The following RAP1A variants were observed in gnomAD, a reference collection of about 807,000 sequenced individuals.
The protein encoded by RAP1A is RAP1A, member of RAS oncogene family.
A neutral mutation model predicts 26.4 loss-of-function variants in RAP1A; 6 were observed. The ratio of observed to expected loss-of-function variants is 0.23; its 90% CI spans 0.12 to 0.45. The LOEUF is 0.45. RAP1A is among the 20% of genes least tolerant of loss of function. The pLI, the probability that RAP1A is intolerant of heterozygous loss-of-function variation, is 0.99. For synonymous variants in RAP1A, 73 were observed against 79.4 expected, an observed-to-expected ratio of 0.92 and a Z score of 0.43; for missense variants, 121 against 217.2, an observed-to-expected ratio of 0.56 and a Z score of 2.78.
chr1:111,571,385 G>A (rs188466332), intron 1 of RAP1A, among the ~76,000 whole-genome samples: 1 of 152,248 alleles, frequency 6.6e-6, no homozygotes, highest in African/African-American at 2.4e-5. Context: ...CACCCTTTCT[G>A]AAGTTCAGGG....
intron 1 of RAP1A, among the ~76,000 whole-genome samples, chr1:111,669,454 C>T (rs1445891915): frequency 6.6e-6 from 1 of 152,160 alleles, no homozygotes; most frequent in Non-Finnish European, 1.5e-5. Context: ...TGCCCATGAA[C>T]TGGAATGTAA....
intron 1 of RAP1A, among the ~76,000 whole-genome samples, chr1:111,678,328 T>G (rs1455113199): frequency 6.6e-6 from 1 of 152,226 alleles, no homozygotes; most frequent in Non-Finnish European, 1.5e-5. Context: ...TGCACATATT[T>G]TGCTAAATGT....
chr1:111,655,658 CTTTTTT>C (rs34266778), intron 1 of RAP1A, among the ~76,000 whole-genome samples: 2 of 85,160 alleles, frequency 2.3e-5, no homozygotes, highest in Middle Eastern at 9.3e-3. Context: ...TGTTCATAGT[CTTTTTT>C]TTTTTTTTTT....
chr1:111,640,366 C>T lies in RAP1A; in HGVS notation c.-28+20432C>T, dbSNP rs116014591. On this transcript the variant is annotated intron_variant, in intron 1 of 7. Coordinates refer to ENST00000369709, the MANE Select transcript of RAP1A (RefSeq NM_002884.4). Reference sequence around the variant, plus strand: ...CAAATGTTTTCATTTTATTATTTCTCATTATTTAAAACATTTTTTCCTCAC... The same window carrying T: ...CAAATGTTTTCATTTTATTATTTCTTATTATTTAAAACATTTTTTCCTCAC... Among the ~76,000 whole-genome samples the T allele has an allele frequency of 8.6e-3, 1,312 of 152,206 alleles. 17 individuals carry two copies. Among genetic ancestry groups the T allele is most frequent in the African/African-American group, 0.03 (1,256 of 41,530 alleles).
At chr1:111,643,448 T>TCG (rs961869842) in intron 1 of RAP1A, among the ~76,000 whole-genome samples, 54 of 152,340 alleles carry the variant, frequency 3.5e-4, no homozygotes, top group African/African-American at 1.3e-3. Context: ...TTTTTTGGCA[T>TCG]CAAGTTTAGA....
chr1:111,669,646 C>T (rs1422679092), intron 1 of RAP1A, among the ~76,000 whole-genome samples: 1 of 152,216 alleles, frequency 6.6e-6, no homozygotes, highest in Non-Finnish European at 1.5e-5. Context: ...TAACAGCAGC[C>T]AGTGTCTACA....
chr1:111,590,527 A>C (rs1300960294), intron 1 of RAP1A, among the ~76,000 whole-genome samples: 1 of 152,208 alleles, frequency 6.6e-6, no homozygotes, highest in Non-Finnish European at 1.5e-5. Flanking sequence ...ATCCATTAAA[A>C]TAATTTGAAT....
intron 1 of RAP1A, among the ~76,000 whole-genome samples, chr1:111,660,687 T>C (rs1290393722): frequency 3.9e-5 from 6 of 152,242 alleles, no homozygotes; most frequent in East Asian, 1.9e-4. Flanking sequence ...TGACATCCTC[T>C]GCTCAAAACT....
intron 1 of RAP1A, among the ~76,000 whole-genome samples, chr1:111,645,547 CG>C (rs145271558): frequency 1.4e-4 from 21 of 152,168 alleles, no homozygotes; most frequent in Middle Eastern, 3.4e-3. Context: ...GGCTGATTTG[CG>C]GGTGAAACAA....
rs533603945 is a variant in RAP1A, at chr1:111,709,071, G to C, written c.469-78G>C. 4.6e-6 allele frequency: 7 copies of C among 1,510,416 alleles called. No homozygotes were observed. The African/African-American group carries it at 7.0e-5, about 15-fold the overall frequency. 93.6% of individuals were successfully genotyped at this position (1,510,416 alleles called of 1,614,324 possible). Reference sequence around the variant, plus strand: ...AGAATGCAGATCTAAGACCAGAATAGTACTTACCAGAATTGTTTTGTGGAA... The same window carrying C: ...AGAATGCAGATCTAAGACCAGAATACTACTTACCAGAATTGTTTTGTGGAA... On this transcript the variant is annotated intron_variant, in intron 6 of 7. Transcript: ENST00000369709.
chr1:111,678,554 T>C (rs1413855216), intron 1 of RAP1A, among the ~76,000 whole-genome samples: 1 of 152,208 alleles, frequency 6.6e-6, no homozygotes, highest in East Asian at 1.9e-4. Context: ...TAGGCTGTAT[T>C]GTATAGCCTA....
intron 1 of RAP1A, among the ~76,000 whole-genome samples, chr1:111,688,003 G>T (rs1488948981): frequency 1.5e-5 from 2 of 131,878 alleles, no homozygotes; most frequent in Non-Finnish European, 3.1e-5. Flanking sequence ...CTCCAGCCTG[G>T]GCAACAGAGT....
intron 1 of RAP1A, among the ~76,000 whole-genome samples, chr1:111,626,525 T>C (rs1368544889): frequency 6.6e-6 from 1 of 152,196 alleles, no homozygotes; most frequent in Non-Finnish European, 1.5e-5. Flanking sequence ...TCTACACTGA[T>C]TAAAATCATC....
upstream of RAP1A, among the ~76,000 whole-genome samples, chr1:111,616,429 C>T (rs1659015840): frequency 6.6e-6 from 1 of 152,218 alleles, no homozygotes; most frequent in African/African-American, 2.4e-5. Context: ...TTGGAGCCAG[C>T]TTGAACCTTT....
intron 1 of RAP1A, among the ~76,000 whole-genome samples, chr1:111,612,900 C>T (rs75226385): frequency 0.018 from 2,696 of 152,088 alleles, 77 homozygotes; most frequent in African/African-American, 0.061. Context: ...AGAGTATTGT[C>T]CATGCATTCT....
chr1:111,685,054 T>A, intron 1 of RAP1A, among the ~76,000 whole-genome samples: 1 of 152,190 alleles, frequency 6.6e-6, no homozygotes, highest in East Asian at 1.9e-4. Flanking sequence ...ATTTAATAAA[T>A]GGTGTTGGGA....
rs187990163 is a variant in RAP1A at position 111,593,800 on chromosome 1, C to A, written c.-28+51291C>A. 5.2e-3 allele frequency among the ~76,000 whole-genome samples: 796 copies of A among 151,646 alleles called. 3 individuals are homozygous for A. The highest frequency in any genetic ancestry group is 8.3e-3 in the Non-Finnish European group (561 of 67,926). ...GACTTTTAATCTGTCACAAAAAAAA[C>A]CAGAAAGAAAATCCATGTGTGCAAA... On this transcript the variant is annotated intron_variant, in intron 1 of 7. Transcript: ENST00000356415.
intron 1 of RAP1A, among the ~76,000 whole-genome samples, chr1:111,687,303 G>A (rs1661516422): frequency 6.6e-6 from 1 of 151,504 alleles, no homozygotes; most frequent in African/African-American, 2.4e-5. Flanking sequence ...TGTCTCCTGG[G>A]TTTAAGCAAT....
intron 1 of RAP1A, among the ~76,000 whole-genome samples, chr1:111,545,245 T>G (rs76785299): frequency 0.018 from 2,728 of 152,212 alleles, 71 homozygotes; most frequent in African/African-American, 0.062. Flanking sequence ...CCACCGGCAA[T>G]GTATGAGGAT....
Sources: gnomAD v4.1 joint callset for allele counts (sites outside exome capture counted in the v4.1 genomes callset) on GRCh38, gnomAD v4.1.1 for gene constraint, MANE v1.5 for transcripts, NCBI Gene and HGNC (gene_info 2026-07-23, HGNC 2026-07-21) for gene names.